The following SOX6 variants were observed in gnomAD, a reference collection of about 807,000 sequenced individuals.
The protein encoded by SOX6 is SRY-box transcription factor 6, also known as transcription factor SOX-6.
Under a neutral mutation model 97.8 loss-of-function variants are expected in SOX6, and 11 were observed. The ratio of observed to expected loss-of-function variants is 0.11; its 90% CI spans 0.07 to 0.19. The LOEUF is 0.19. Ranked by LOEUF, SOX6 falls within the 10% of genes least tolerant of loss-of-function variation. The probability of loss-of-function intolerance (pLI) is 1.00; values close to 1 mark genes in which losing one functional copy is unlikely to be tolerated. For missense variants in SOX6, 810 were observed against 1,039.5 expected (o/e 0.78, Z 3.04); for synonymous variants, 360 against 371.4 (o/e 0.97, Z 0.35).
intron 4 of SOX6, among the ~76,000 whole-genome samples, chr11:16,233,164 C>T (rs576405728): frequency 1.2e-4 from 19 of 152,140 alleles, no homozygotes; most frequent in African/African-American, 4.6e-4. Context: ...TTATCCATGA[C>T]CAATAGGAAG....
intron 1 of SOX6, among the ~76,000 whole-genome samples, chr11:16,419,168 A>G (rs2134609): frequency 0.3 from 45,743 of 151,942 alleles, 7,044 homozygotes; most frequent in East Asian, 0.52. Context: ...GCACATTACT[A>G]TTCATAATGC....
At chr11:16,367,713 C>G (rs1857392549) in intron 1 of SOX6, among the ~76,000 whole-genome samples, 1 of 152,164 alleles carries the variant, frequency 6.6e-6, no homozygotes, top group African/African-American at 2.4e-5. Flanking sequence ...GAGCTTATCA[C>G]CACAACAGTG....
At chr11:16,311,238 G>C (rs998022613) in intron 3 of SOX6, 10 of 152,028 alleles carry the variant, frequency 6.6e-5, no homozygotes, top group Non-Finnish European at 1.5e-4. Context: ...GAGATTCCTA[G>C]AATATTTTTC....
chr11:15,986,765 C>T (rs1301953330), intron 14 of SOX6, among the ~76,000 whole-genome samples: 1 of 152,198 alleles, frequency 6.6e-6, no homozygotes. Context: ...CCTAAGCATA[C>T]TTTTGAGCAT....
intron 6 of SOX6, among the ~76,000 whole-genome samples, chr11:16,175,386 T>A (rs1257228030): frequency 8.0e-6 from 1 of 124,856 alleles, no homozygotes; most frequent in Non-Finnish European, 1.9e-5. Context: ...AATTAGGAAA[T>A]ACAGGCTGAG....
At chr11:16,377,030 T>TA (rs35938408) in intron 1 of SOX6, among the ~76,000 whole-genome samples, 50 of 146,964 alleles carry the variant, frequency 3.4e-4, no homozygotes, top group East Asian at 9.9e-4. Context: ...TTCTTTTATT[T>TA]AAAAAAAAAA....
intron 1 of SOX6, among the ~76,000 whole-genome samples, chr11:16,365,730 T>A (rs546840339): frequency 6.6e-6 from 1 of 152,248 alleles, no homozygotes; most frequent in South Asian, 2.1e-4. Flanking sequence ...CCAGATTAGA[T>A]GCTCGTCTTA....
intron 9 of SOX6, among the ~76,000 whole-genome samples, chr11:16,094,412 ACAACACTT>A: frequency 1.3e-5 from 2 of 152,038 alleles, no homozygotes; most frequent in Admixed American, 1.3e-4. Flanking sequence ...GGGATAGAAC[ACAACACTT>A]CAACAGAAAA....
chr11:16,729,547 C>T (rs1235907018), intron 2 of SOX6, among the ~76,000 whole-genome samples: 1 of 152,126 alleles, frequency 6.6e-6, no homozygotes, highest in Non-Finnish European at 1.5e-5. Flanking sequence ...TTTGTCACCA[C>T]CAGGCCTGCC....
chr11:16,723,326 C>A (rs997223938), intron 2 of SOX6, among the ~76,000 whole-genome samples: 3 of 151,786 alleles, frequency 2.0e-5, no homozygotes, highest in African/African-American at 4.8e-5. Flanking sequence ...GGGCTTCTTG[C>A]GGAGGGGGAA....
At position 16,064,972 on chromosome 11, in the gene SOX6, A is replaced by G. The variant is rs549001190; in HGVS notation, c.1102-9071T>C. Among the ~76,000 whole-genome samples the G allele has an allele frequency of 2.0e-5, 3 of 152,162 alleles. No individual in the cohort carries two copies. In the East Asian group the frequency reaches 5.8e-4, roughly 29 times the overall value. ...GATCTGGAACATGACAAAGATGTCC[A>G]CTTTCAACACTGTTATTCAACATAT... is the stretch of plus-strand genomic sequence containing the variant. On this transcript the variant is annotated intron_variant, in intron 9 of 15. Transcript: ENST00000683767.
chr11:16,032,823 G>GC (rs1204993236), intron 12 of SOX6, among the ~76,000 whole-genome samples: 1 of 152,030 alleles, frequency 6.6e-6, no homozygotes, highest in South Asian at 2.1e-4. Context: ...CCATACTCAT[G>GC]CCAGGACCCT....
intron 1 of SOX6, among the ~76,000 whole-genome samples, chr11:16,383,283 A>G (rs1020354373): frequency 1.3e-5 from 2 of 152,014 alleles, no homozygotes; most frequent in African/African-American, 4.8e-5. Flanking sequence ...TAACAGAGCA[A>G]TAAGAAGAAA....
At chr11:16,522,591 G>A (rs920300072) in intron 4 of SOX6, among the ~76,000 whole-genome samples, 1 of 151,272 alleles carries the variant, frequency 6.6e-6, no homozygotes, top group African/African-American at 2.4e-5. Context: ...AAAATAACCA[G>A]CTAACATCAT....
At chr11:16,445,436 G>T (rs1318937038) in intron 1 of SOX6, among the ~76,000 whole-genome samples, 1 of 152,088 alleles carries the variant, frequency 6.6e-6, no homozygotes, top group East Asian at 1.9e-4. Flanking sequence ...GTCCAACATG[G>T]TTGCAGCCAT....
At chr11:16,382,435 C>A (rs1162001807) in intron 1 of SOX6, 1 of 151,992 alleles carries the variant, frequency 6.6e-6, no homozygotes, top group African/African-American at 2.4e-5. Context: ...TTATCTTTGT[C>A]TTGCACATGC....
intron 4 of SOX6, among the ~76,000 whole-genome samples, chr11:16,578,395 T>C (rs1344060479): frequency 1.3e-5 from 2 of 152,154 alleles, no homozygotes; most frequent in African/African-American, 4.8e-5. Flanking sequence ...TACTTAGCAA[T>C]TGAAACTAAT....
At chr11:16,290,839 C>G (rs976337313) in intron 3 of SOX6, among the ~76,000 whole-genome samples, 1 of 152,096 alleles carries the variant, frequency 6.6e-6, no homozygotes. Context: ...CCTCCATCAT[C>G]TCTAAAAGAC....
chr11:16,544,321 A>G (rs983201219), intron 4 of SOX6, among the ~76,000 whole-genome samples: 1 of 152,140 alleles, frequency 6.6e-6, no homozygotes, highest in African/African-American at 2.4e-5. Context: ...GCGCAGTGGC[A>G]TTATCACAGC....
Sources: gnomAD v4.1 joint callset for allele counts (sites outside exome capture counted in the v4.1 genomes callset) on GRCh38, gnomAD v4.1.1 for gene constraint, MANE v1.5 for transcripts, NCBI Gene and HGNC (gene_info 2026-07-23, HGNC 2026-07-21) for gene names.